The following TUSC3 variants were observed in gnomAD, a reference collection of about 807,000 sequenced individuals.
TUSC3 encodes the protein dolichyl-diphosphooligosaccharide--protein glycosyltransferase subunit TUSC3.
Under a neutral mutation model 44.8 loss-of-function variants are expected in TUSC3, and 45 were observed. The ratio of observed to expected loss-of-function variants is 1.00; its 90% CI spans 0.79 to 1.29. The LOEUF (loss-of-function observed/expected upper bound fraction) is 1.29, where lower values mean the gene tolerates loss of function less well. Among genes scored for constraint, TUSC3 ranks in the 50% most tolerant of loss-of-function variants. The pLI, the probability that TUSC3 is intolerant of heterozygous loss-of-function variation, is 0.00. For missense variants in TUSC3, 519 were observed against 437.9 expected (o/e 1.19, Z -1.65); for synonymous variants, 212 against 152.9 (o/e 1.39, Z -2.85).
rs182200478 is a variant in TUSC3, at chr8:15,634,370, C to G, written c.308+11121C>G. ...CAGACCCGCAGGGAGTAGTTAGTTA[C>G]TCCAATCTGTTTTATTGACTATGCC... On this transcript the variant is annotated intron_variant, in intron 2 of 10. Coordinates refer to ENST00000503731, the MANE Select transcript of TUSC3 (RefSeq NM_006765.4). Among the ~76,000 whole-genome samples, 66 of 152,266 alleles carry G rather than the reference C, an allele frequency of 4.3e-4. No individual in the cohort carries two copies. The East Asian group carries it at 9.7e-3, about 22-fold the overall frequency.
the TUSC3 span, among the ~76,000 whole-genome samples, chr8:15,813,386 AAAC>A: frequency 7.0e-5 from 1 of 14,358 alleles, no homozygotes; most frequent in African/African-American, 2.0e-4. Flanking sequence ...ACAAACAAAC[AAAC>A]AAAAAAAAAA....
chr8:15,696,863 A>AT (rs2129193190), intron 6 of TUSC3, among the ~76,000 whole-genome samples: 1 of 152,270 alleles, frequency 6.6e-6, no homozygotes, highest in African/African-American at 2.4e-5. Flanking sequence ...TGTCAGTAGA[A>AT]TTGGCACCAA....
chr8:15,570,579 A>T (rs141637479), intron 1 of TUSC3, among the ~76,000 whole-genome samples: 5 of 152,212 alleles, frequency 3.3e-5, no homozygotes, highest in Non-Finnish European at 7.3e-5. Context: ...TTACATTTCA[A>T]TGTAGTTGAA....
chr8:15,440,384 C>T (rs879797074), intron 1 of TUSC3, among the ~76,000 whole-genome samples: 2 of 152,118 alleles, frequency 1.3e-5, no homozygotes, highest in East Asian at 1.9e-4. Context: ...AATGATTAGA[C>T]AGTGTCTTGA....
intron 5 of TUSC3, among the ~76,000 whole-genome samples, chr8:15,668,308 T>C (rs962062218): frequency 4.6e-5 from 7 of 151,770 alleles, no homozygotes; most frequent in African/African-American, 1.7e-4. Flanking sequence ...ACATTTTTTT[T>C]CTAGAAATCT....
intron 2 of TUSC3, among the ~76,000 whole-genome samples, chr8:15,522,876 A>T (rs1801316698): frequency 6.6e-6 from 1 of 152,184 alleles, no homozygotes; most frequent in African/African-American, 2.4e-5. Flanking sequence ...GTGCTATGTC[A>T]GTCCTTAAGT....
the TUSC3 span, among the ~76,000 whole-genome samples, chr8:15,842,684 C>T: frequency 6.6e-6 from 1 of 152,142 alleles, no homozygotes; most frequent in Non-Finnish European, 1.5e-5. Flanking sequence ...GTTCCTGCTT[C>T]CTAAGAAAAA....
chr8:15,423,918 T>C lies in TUSC3; in HGVS notation n.91+6613T>C, dbSNP rs569485281. Among the ~76,000 whole-genome samples, 59 of 150,776 alleles carry C rather than the reference T, an allele frequency of 3.9e-4. 1 individual carries two copies. In the South Asian group the frequency reaches 0.012, roughly 31 times the overall value. On this transcript the variant is annotated intron_variant and non_coding_transcript_variant, in intron 1 of 5. Coordinates refer to the TUSC3 transcript ENST00000503191. Reference sequence around the variant, plus strand: ...TGTGGGGCTTATTGACCAGGATGTTTCCAGGAAAGTCTTCGTTTTTTCTCT... The same window carrying C: ...TGTGGGGCTTATTGACCAGGATGTTCCCAGGAAAGTCTTCGTTTTTTCTCT...
At chr8:15,468,733 G>C (rs756545640) in intron 1 of TUSC3, among the ~76,000 whole-genome samples, 1 of 152,084 alleles carries the variant, frequency 6.6e-6, no homozygotes, top group Non-Finnish European at 1.5e-5. Context: ...AATCACAACA[G>C]ATATGAAAAC....
intron 2 of TUSC3, among the ~76,000 whole-genome samples, chr8:15,532,304 C>A (rs1801460801): frequency 6.6e-6 from 1 of 152,046 alleles, no homozygotes; most frequent in Non-Finnish European, 1.5e-5. Flanking sequence ...CATAAACATT[C>A]AAATTGTTTA....
At chr8:15,546,477 G>T (rs1387598394) in intron 1 of TUSC3, among the ~76,000 whole-genome samples, 1 of 151,684 alleles carries the variant, frequency 6.6e-6, no homozygotes, top group East Asian at 1.9e-4. Flanking sequence ...AGATAAGTAA[G>T]ACATATATAA....
At chr8:15,832,486 G>A in the TUSC3 span, among the ~76,000 whole-genome samples, 1 of 152,054 alleles carries the variant, frequency 6.6e-6, no homozygotes, top group Non-Finnish European at 1.5e-5. Flanking sequence ...GACACAGAGT[G>A]GCAAGCTGGA....
chr8:15,552,381 C>T (rs551495702), intron 1 of TUSC3, among the ~76,000 whole-genome samples: 2 of 151,646 alleles, frequency 1.3e-5, no homozygotes, highest in Admixed American at 6.6e-5. Context: ...GCCATTGTCC[C>T]GGATATATCC....
At chr8:15,603,625 G>A (rs1170584385) in intron 1 of TUSC3, among the ~76,000 whole-genome samples, 1 of 151,580 alleles carries the variant, frequency 6.6e-6, no homozygotes, top group South Asian at 2.1e-4. Context: ...TTTTTATGAA[G>A]AAATTTTATA....
the TUSC3 span, among the ~76,000 whole-genome samples, chr8:15,834,016 T>G: frequency 1.7e-4 from 26 of 152,260 alleles, no homozygotes; most frequent in East Asian, 5.0e-3. Context: ...TCTTTTCAGT[T>G]CAATTTGTCT....
At chr8:15,739,982 AAAAC>A (rs1363147527) in intron 7 of TUSC3, among the ~76,000 whole-genome samples, 2 of 152,210 alleles carry the variant, frequency 1.3e-5, no homozygotes. Flanking sequence ...GATAGTGAAT[AAAAC>A]AAAGTTCTTG....
chr8:15,757,995 T>A, intron 10 of TUSC3, 140 bp downstream of exon 10: 2 of 1,461,056 alleles, frequency 1.4e-6, no homozygotes, highest in East Asian at 2.5e-5. Context: ...AGATTCCATA[T>A]TCCAGTCTTA....
chr8:15,783,459 C>A, the TUSC3 span, among the ~76,000 whole-genome samples: 1 of 152,108 alleles, frequency 6.6e-6, no homozygotes, highest in African/African-American at 2.4e-5. Context: ...CATCACACTA[C>A]ATCATTTCAA....
At chr8:15,597,456 T>C (rs910942276) in intron 1 of TUSC3, among the ~76,000 whole-genome samples, 2 of 152,158 alleles carry the variant, frequency 1.3e-5, no homozygotes, top group Admixed American at 1.3e-4. Flanking sequence ...TTGAGAACAT[T>C]GATGTATTTT....
Sources: allele counts gnomAD v4.1 joint callset (sites outside exome capture counted in the v4.1 genomes callset), GRCh38; gene constraint gnomAD v4.1.1; transcripts MANE v1.5; gene names NCBI Gene and HGNC (gene_info 2026-07-23, HGNC 2026-07-21).